The following SLC37A2 variants were observed in gnomAD, a reference collection of about 807,000 sequenced individuals.
The protein encoded by SLC37A2 is glucose-6-phosphate exchanger SLC37A2.
In SLC37A2, 59 loss-of-function variants were observed where a neutral mutation model predicts 70.7. That is an observed-to-expected ratio of 0.83 (90% CI 0.68 to 1.04). SLC37A2 has a LOEUF of 1.04. Among genes scored for constraint, SLC37A2 ranks in the 50% least tolerant of loss-of-function variants. The pLI is 0.00. For synonymous variants in SLC37A2, 257 were observed against 262.1 expected (o/e 0.98, Z 0.19); for missense variants, 580 against 658.1 (o/e 0.88, Z 1.30).
In SLC37A2 at chr11:125,080,438, C is replaced by G. The variant is rs1190688474; in HGVS notation, c.528-176C>G. 6.6e-6 allele frequency among the ~76,000 whole-genome samples: 1 copy of G among 152,188 alleles called. No homozygotes were observed. The highest frequency in any genetic ancestry group is 1.5e-5 in the Non-Finnish European group (1 of 68,026). On this transcript the variant is annotated intron_variant, in intron 6 of 17. Coordinates refer to ENST00000403796, the MANE Select transcript of SLC37A2 (RefSeq NM_001145290.2). The surrounding 1 kb of genome is among the most constrained non-coding windows in gnomAD (Gnocchi z 4.3). ...AGACCACAGGCCCTGCAGCCACCTG[C>G]TTGACACCATCCAAGGTCTCCCACT...
At chr11:125,082,474 G>C (rs1207590868) in intron 10 of SLC37A2, 140 bp downstream of exon 10, 1 of 757,732 alleles carries the variant, frequency 1.3e-6, no homozygotes, top group Non-Finnish European at 2.3e-6. Flanking sequence ...AGAGTGAAAG[G>C]AGCTTGATTT....
Position 125,085,956 on chromosome 11 carries a change from C to T in SLC37A2, c.1428C>T (p.Leu476=). The T allele has an allele frequency of 1.9e-6, 3 of 1,614,120 alleles. No individual in the cohort carries two copies. Among genetic ancestry groups the T allele is most frequent in the Middle Eastern group, 1.7e-4 (1 of 6,060 alleles). ...LISADVLACL[L]LCRLVYKEIL... The stretch of plus-strand genomic sequence containing the variant: ...CCTCTGTGCCTTGTGCTCCACAGCT[C>T]CTTTGCCGGTTAGTATACAAAGAGA... The change falls in exon 17 of 18, where the codon CTC becomes CTT. Residue 476 remains leucine (L), a splice_region_variant and synonymous_variant. Transcript: ENST00000403796.
chr11:125,074,001 C>T (rs138520376), intron 1 of SLC37A2, among the ~76,000 whole-genome samples: 96 of 152,306 alleles, frequency 6.3e-4, no homozygotes, highest in African/African-American at 2.1e-3. Flanking sequence ...CACCTGAGGC[C>T]CTGCGCCACG....
In SLC37A2 at chr11:125,085,955, T is replaced by A; in HGVS notation, c.1427T>A (p.Leu476His). The change falls in exon 17 of 18, where the codon CTC becomes CAC. Residue 476 changes from leucine (L) to histidine (H), a missense_variant and splice_region_variant. By Grantham distance (99) the Leu-to-His change is moderately conservative. Coordinates refer to ENST00000403796, the MANE Select transcript of SLC37A2 (RefSeq NM_001145290.2). ...CCCTCTGTGCCTTGTGCTCCACAGCTCCTTTGCCGGTTAGTATACAAAGAG... is the reference window on the plus strand; with the variant it reads ...CCCTCTGTGCCTTGTGCTCCACAGCACCTTTGCCGGTTAGTATACAAAGAG... ...LISADVLACL[L>H]LCRLVYKEIL... 6.2e-7 allele frequency: 1 copy of A among 1,614,068 alleles called. No homozygotes were observed. The highest frequency in any genetic ancestry group is 8.5e-7 in the Non-Finnish European group (1 of 1,179,926).
At chr11:125,066,998 G>A (rs925077950) in intron 1 of SLC37A2, among the ~76,000 whole-genome samples, 18 of 137,594 alleles carry the variant, frequency 1.3e-4, no homozygotes, top group East Asian at 2.0e-4. Flanking sequence ...TTATTTTTTC[G>A]AGACAAAGTC....
intron 17 of SLC37A2, chr11:125,086,505 C>T: frequency 2.0e-6 from 1 of 510,292 alleles, no homozygotes; most frequent in Non-Finnish European, 3.6e-6. Flanking sequence ...CCCTCGGGGA[C>T]AGAGGAGGCA....
chr11:125,076,941 C>A, intron 2 of SLC37A2, 103 bp downstream of exon 2: 1 of 1,105,238 alleles, frequency 9.0e-7, no homozygotes, highest in East Asian at 2.5e-5. Context: ...TGGCAGGCTC[C>A]CACTCTCAGT....
chr11:125,084,201 G>A, intron 11 of SLC37A2, 33 bp from the exon 12 acceptor site: 2 of 1,612,496 alleles, frequency 1.2e-6, no homozygotes, highest in Non-Finnish European at 1.7e-6. Flanking sequence ...GGTCCTGTCT[G>A]GGAGTCAGTG....
In SLC37A2 at chr11:125,083,567, G is replaced by A. The variant is rs1949171985; in HGVS notation, c.977-248G>A. 1.1e-5 allele frequency: 5 copies of A among 444,824 alleles called. 1 individual carries two copies. In the South Asian group the frequency reaches 1.7e-4, roughly 15 times the overall value. 27.6% of individuals were successfully genotyped at this position (444,824 alleles called of 1,614,324 possible). On this transcript the variant is annotated intron_variant, in intron 10 of 17. Coordinates refer to ENST00000403796, the MANE Select transcript of SLC37A2 (RefSeq NM_001145290.2). This position sits in a 1 kb window ranked among gnomAD's most constrained non-coding sequence, Gnocchi z 4.6. ...CAGATCCCAGAGCTTGCCAGGGAGGGCTTGTTCTGAGAGGTGAAGGTCATC... is the reference window on the plus strand; with the variant it reads ...CAGATCCCAGAGCTTGCCAGGGAGGACTTGTTCTGAGAGGTGAAGGTCATC...
rs763252639 is a variant in SLC37A2, at chr11:125,063,460, C to T, written c.59+34C>T. 1.3e-6 allele frequency: 2 copies of T among 1,593,696 alleles called. No individual in the cohort carries two copies. The highest frequency in any genetic ancestry group is 3.4e-5 in the Admixed American group (2 of 58,350). On this transcript the variant is annotated intron_variant, in intron 1 of 17. Coordinates refer to ENST00000403796, the MANE Select transcript of SLC37A2 (RefSeq NM_001145290.2). This position sits in a 1 kb window ranked among gnomAD's most constrained non-coding sequence, Gnocchi z 5.4. ...GGCAGGGGAGGGAGGCGTGCCGGGA[C>T]CTCCTGGGCTCGGGGCTTGCAGGGG...
At chr11:125,082,195 C>T in intron 9 of SLC37A2, 49 bp from the exon 10 acceptor site, 3 of 1,585,254 alleles carry the variant, frequency 1.9e-6, no homozygotes, top group Non-Finnish European at 2.6e-6. Flanking sequence ...CACCACTGAA[C>T]CCAGGACCTC....
chr11:125,067,208 G>A (rs189234910), intron 1 of SLC37A2, among the ~76,000 whole-genome samples: 31 of 152,094 alleles, frequency 2.0e-4, no homozygotes, highest in African/African-American at 6.7e-4. Flanking sequence ...CAAACTCCTG[G>A]CCTAAAGCCA....
intron 13 of SLC37A2, 53 bp downstream of exon 13, chr11:125,084,926 G>T: frequency 1.2e-6 from 2 of 1,610,654 alleles, no homozygotes; most frequent in Non-Finnish European, 8.5e-7. Flanking sequence ...ACTGCCTTGG[G>T]GGCCCCATGA....
In SLC37A2 at chr11:125,065,944, A is replaced by G. The variant is rs577365062; in HGVS notation, c.59+2518A>G. ...TTAATATAGCCTAAGAAGAAAGAGA[A>G]AGGTCTTCCTTATATGTCCAGAAAA... On this transcript the variant is annotated intron_variant, in intron 1 of 17. Coordinates refer to ENST00000403796, the MANE Select transcript of SLC37A2 (RefSeq NM_001145290.2). Among the ~76,000 whole-genome samples, 32 of 152,366 alleles carry G rather than the reference A, an allele frequency of 2.1e-4. 1 individual carries two copies. Among genetic ancestry groups the G allele is most frequent in the African/African-American group, 7.5e-4 (31 of 41,582 alleles).
rs140333054 is a variant in SLC37A2, at chr11:125,076,582, C to T, written c.60-175C>T. On this transcript the variant is annotated intron_variant, in intron 1 of 17. Transcript: ENST00000403796. ...CCAGGGAGACAGGTCCCTCTGAGCA[C>T]CCTGGCCTCTGGGCATTTTTTCCCA... 1.2e-4 allele frequency among the ~76,000 whole-genome samples: 19 copies of T among 152,302 alleles called. No individual in the cohort carries two copies. In the East Asian group the frequency reaches 3.5e-3, roughly 28 times the overall value.
At chr11:125,075,126 C>T (rs973752572) in intron 1 of SLC37A2, among the ~76,000 whole-genome samples, 3 of 152,206 alleles carry the variant, frequency 2.0e-5, no homozygotes, top group Non-Finnish European at 2.9e-5. Context: ...GTGAGAGGTG[C>T]CACGCAAAGC....
intron 17 of SLC37A2, chr11:125,087,859 C>G: frequency 2.7e-6 from 1 of 365,314 alleles, no homozygotes; most frequent in Admixed American, 4.0e-5. Context: ...CTTGAACTCC[C>G]AACCTCAGGT....
intron 1 of SLC37A2, among the ~76,000 whole-genome samples, chr11:125,066,793 TA>T (rs1948984811): frequency 6.6e-6 from 1 of 152,106 alleles, no homozygotes; most frequent in African/African-American, 2.4e-5. Context: ...ATAATTTACA[TA>T]AAATGCCAAG....
intron 8 of SLC37A2, 26 bp from the exon 9 acceptor site, chr11:125,081,728 C>T: frequency 6.5e-7 from 1 of 1,549,740 alleles, no homozygotes; most frequent in Non-Finnish European, 8.7e-7. Flanking sequence ...GACGCACCCA[C>T]AGCAGGGCTC....
Sources: gnomAD v4.1 joint callset for allele counts (sites outside exome capture counted in the v4.1 genomes callset) on GRCh38, gnomAD v4.1.1 for gene constraint, Gnocchi (gnomAD v3.1) non-coding constraint, MANE v1.5 for transcripts, NCBI Gene and HGNC (gene_info 2026-07-23, HGNC 2026-07-21) for gene names.